Variants in DLG2 observed in about 807,000 individuals in gnomAD.
DLG2 encodes the protein discs large MAGUK scaffold protein 2.
Under a neutral mutation model 132.5 loss-of-function variants are expected in DLG2, and 45 were observed. That is an observed-to-expected ratio of 0.34 (90% CI 0.27 to 0.44). The LOEUF is 0.44. Ranked by LOEUF, DLG2 falls within the 20% of genes least tolerant of loss-of-function variation. The pLI, the probability that DLG2 is intolerant of heterozygous loss-of-function variation, is 1.00. For synonymous variants in DLG2, 424 were observed against 419.6 expected (o/e 1.01, Z -0.13); for missense variants, 1,045 against 1,196.9 (o/e 0.87, Z 1.87).
intron 19 of DLG2, among the ~76,000 whole-genome samples, chr11:83,602,376 G>A (rs777973242): frequency 6.6e-6 from 1 of 152,178 alleles, no homozygotes; most frequent in African/African-American, 2.4e-5. Context: ...GCACCATGCC[G>A]GCAGTGGATG....
intron 8 of DLG2, among the ~76,000 whole-genome samples, chr11:84,224,801 T>A (rs1279696170): frequency 6.6e-6 from 1 of 152,208 alleles, no homozygotes; most frequent in Admixed American, 6.5e-5. Flanking sequence ...TTACGGATCT[T>A]ATTCCTGAAA....
chr11:84,022,681 A>G (rs542388904), intron 11 of DLG2, among the ~76,000 whole-genome samples: 2 of 152,328 alleles, frequency 1.3e-5, no homozygotes, highest in East Asian at 3.9e-4. Flanking sequence ...TTTTTGAGAT[A>G]ATATTTTGGA....
intron 21 of DLG2, among the ~76,000 whole-genome samples, chr11:83,531,905 G>A (rs556647796): frequency 1.7e-4 from 25 of 143,448 alleles, no homozygotes; most frequent in African/African-American, 6.2e-4. Flanking sequence ...AGACCACATG[G>A]TGTATAATTT....
intron 6 of DLG2, among the ~76,000 whole-genome samples, chr11:84,643,166 G>T (rs936005879): frequency 1.3e-5 from 2 of 152,152 alleles, no homozygotes; most frequent in African/African-American, 4.8e-5. Context: ...CACTTTTGAG[G>T]CTGTGCTAGT....
At chr11:85,290,022 A>G (rs1347870036) in intron 3 of DLG2, among the ~76,000 whole-genome samples, 7 of 152,162 alleles carry the variant, frequency 4.6e-5, no homozygotes, top group Non-Finnish European at 1.0e-4. Flanking sequence ...CTATCCAGCC[A>G]TATATTCTCT....
intron 7 of DLG2, among the ~76,000 whole-genome samples, chr11:84,394,095 T>C (rs951640190): frequency 2.0e-5 from 3 of 152,308 alleles, no homozygotes; most frequent in Non-Finnish European, 4.4e-5. Flanking sequence ...CAGGCTGGTC[T>C]CGAACTCCTG....
chr11:84,865,653 G>A (rs1042476534), intron 6 of DLG2, among the ~76,000 whole-genome samples: 2 of 152,134 alleles, frequency 1.3e-5, no homozygotes, highest in Non-Finnish European at 2.9e-5. Flanking sequence ...AGCCCACACT[G>A]CTTAACAAAA....
At chr11:84,963,861 C>A (rs1283274161) in intron 6 of DLG2, among the ~76,000 whole-genome samples, 1 of 152,116 alleles carries the variant, frequency 6.6e-6, no homozygotes, top group Non-Finnish European at 1.5e-5. Flanking sequence ...TCACCTGGCA[C>A]AAGTCCTTGA....
chr11:84,165,534 C>A (rs2095641461), intron 8 of DLG2, among the ~76,000 whole-genome samples: 3 of 152,126 alleles, frequency 2.0e-5, no homozygotes, highest in Admixed American at 1.3e-4. Context: ...TATCATTTGT[C>A]TAATTCAACA....
rs558274674 is a variant in DLG2 at position 84,546,279 on chromosome 11, T to A, written c.358-11548A>T. On this transcript the variant is annotated intron_variant, in intron 6 of 27. Coordinates refer to ENST00000376104, the MANE Select transcript of DLG2 (RefSeq NM_001142699.3). ...TCTGATTGTTTGGAAGTGTGAAGCA[T>A]CTCCCCTGCCCTCTCTCTTCCTCCT... 1.5e-3 allele frequency among the ~76,000 whole-genome samples: 234 copies of A among 152,222 alleles called. 3 individuals carry two copies. Among genetic ancestry groups the A allele is most frequent in the African/African-American group, 5.4e-3 (225 of 41,530 alleles).
intron 15 of DLG2, among the ~76,000 whole-genome samples, chr11:83,877,118 C>A (rs1337202408): frequency 6.6e-6 from 1 of 152,038 alleles, no homozygotes; most frequent in Non-Finnish European, 1.5e-5. Context: ...AGCTTTGTAT[C>A]ATTTTATTGC....
chr11:84,194,261 C>T (rs998308146), intron 8 of DLG2, among the ~76,000 whole-genome samples: 3 of 152,092 alleles, frequency 2.0e-5, no homozygotes, highest in African/African-American at 7.2e-5. Context: ...AGAATGAAGC[C>T]GTGGACCCTT....
intron 18 of DLG2, among the ~76,000 whole-genome samples, chr11:83,667,618 A>G (rs2075867510): frequency 6.6e-6 from 1 of 152,160 alleles, no homozygotes; most frequent in African/African-American, 2.4e-5. Context: ...GAAATTAGTG[A>G]TGTTCTCTTC....
At chr11:84,555,978 C>T (rs1445539824) in intron 6 of DLG2, among the ~76,000 whole-genome samples, 6 of 152,180 alleles carry the variant, frequency 3.9e-5, no homozygotes, top group Admixed American at 3.9e-4. Flanking sequence ...AGCTCAGCCC[C>T]TGCCCATCTG....
At chr11:84,287,163 G>A (rs1268335484) in intron 7 of DLG2, among the ~76,000 whole-genome samples, 1 of 152,046 alleles carries the variant, frequency 6.6e-6, no homozygotes, top group Non-Finnish European at 1.5e-5. Flanking sequence ...TTCTATTTCT[G>A]TGTAAATAAA....
rs561100978 is a variant in DLG2 at position 84,603,551 on chromosome 11, A to G, written c.358-68820T>C. Among the ~76,000 whole-genome samples, 2 of 151,990 alleles carry G rather than the reference A, an allele frequency of 1.3e-5. 1 individual carries two copies. The highest frequency in any genetic ancestry group is 3.9e-4 in the East Asian group (2 of 5,164). On this transcript the variant is annotated intron_variant, in intron 6 of 27. Coordinates refer to ENST00000376104, the MANE Select transcript of DLG2 (RefSeq NM_001142699.3). ...AACTGTGGAAGAAAAAAGATAAAAG[A>G]CAATTCTTAGGGGTCAACAATAGGT...
intron 16 of DLG2, among the ~76,000 whole-genome samples, chr11:83,873,101 T>G (rs1223525564): frequency 6.6e-6 from 1 of 152,190 alleles, no homozygotes; most frequent in East Asian, 1.9e-4. Context: ...TCCACCTCAA[T>G]AAAGTCTTTT....
chr11:84,464,984 A>C (rs1051468354), intron 7 of DLG2, among the ~76,000 whole-genome samples: 17 of 151,252 alleles, frequency 1.1e-4, no homozygotes, highest in Admixed American at 8.6e-4. Context: ...ATTCATTGCC[A>C]AAACTGACAG....
intron 8 of DLG2, among the ~76,000 whole-genome samples, chr11:84,246,942 T>C (rs894267348): frequency 2.0e-5 from 3 of 152,142 alleles, no homozygotes; most frequent in Non-Finnish European, 4.4e-5. Flanking sequence ...AAATGGTAGA[T>C]CAAGCACTAC....
Sources: gnomAD v4.1 joint callset for allele counts (sites outside exome capture counted in the v4.1 genomes callset) on GRCh38, gnomAD v4.1.1 for gene constraint, MANE v1.5 for transcripts, NCBI Gene and HGNC (gene_info 2026-07-23, HGNC 2026-07-21) for gene names.